TMEM130: variants seen among roughly 807,000 people sequenced by gnomAD.
TMEM130 encodes transmembrane protein 130.
TMEM130 carries 37 observed loss-of-function variants against 42.9 expected under a neutral mutation model. The ratio of observed to expected loss-of-function variants is 0.86; its 90% CI spans 0.66 to 1.13. The LOEUF (loss-of-function observed/expected upper bound fraction) is 1.13. Ranked by LOEUF, TMEM130 falls within the 50% of genes most tolerant of loss-of-function variation. The pLI, the probability that TMEM130 is intolerant of heterozygous loss-of-function variation, is 0.00. For synonymous variants in TMEM130, 259 were observed against 237.7 expected, an observed-to-expected ratio of 1.09 and a Z score of -0.82; for missense variants, 545 against 562.6, an observed-to-expected ratio of 0.97 and a Z score of 0.32.
rs78841113 is a variant in TMEM130, at chr7:98,862,997, C to T, written c.391+98G>A. On this transcript the variant is annotated intron_variant, in intron 2 of 7. Transcript: ENST00000339375. ...TACGGGCCTAATCCCCCAGAACCTACGGGCCTAATCTGCATTGATCTGATT... is the reference window on the plus strand; with the variant it reads ...TACGGGCCTAATCCCCCAGAACCTATGGGCCTAATCTGCATTGATCTGATT... 4,358 of 1,305,518 alleles carry T rather than the reference C, an allele frequency of 3.3e-3. 18 individuals carry two copies. Among genetic ancestry groups the T allele is most frequent in the African/African-American group, 0.018 (822 of 46,328 alleles). 80.9% of individuals were successfully genotyped at this position (1,305,518 alleles called of 1,614,324 possible). A position where few individuals can be genotyped will look rare whatever the true frequency, so the allele number is the denominator to read the frequency against.
Position 98,856,037 on chromosome 7 carries a change from G to C in TMEM130, c.698C>G (p.Ser233Cys). Residue 233 changes from serine to cysteine, a missense_variant, in exon 4 of 8, where the codon TCC becomes TGC. Coordinates refer to ENST00000339375, the MANE Select transcript of TMEM130 (RefSeq NM_152913.3). ...RAVKQKTGDF[S>C]ASLKLQETLR... ...CCCACCCTGCAGCTTCAGCGAGGCG[G>C]AGAAGTCCCCGGTCTTCTGCTTCAC... is the stretch of plus-strand genomic sequence containing the variant. The C allele has an allele frequency of 6.2e-7, 1 of 1,613,348 alleles. No homozygotes were observed. The highest frequency in any genetic ancestry group is 8.5e-7 in the Non-Finnish European group (1 of 1,180,034).
Position 98,863,259 on chromosome 7 carries a change from T to A in TMEM130, c.227A>T (p.His76Leu), listed in dbSNP as rs782206771. The A allele has an allele frequency of 1.2e-6, 2 of 1,613,946 alleles. No homozygotes were observed. Among genetic ancestry groups the A allele is most frequent in the Non-Finnish European group, 1.7e-6 (2 of 1,180,006 alleles). The change falls in exon 2 of 8, where the codon CAC becomes CTC. Residue 76 changes from histidine (H) to leucine (L), a missense_variant. His to Leu is a moderately conservative substitution (Grantham distance 99). Transcript: ENST00000339375. ...CTTGCCAGTAAGCACCAGCGGGGTGTGGATCCAGTGGAAGCGGTAGAGGTG... is the reference window on the plus strand; with the variant it reads ...CTTGCCAGTAAGCACCAGCGGGGTGAGGATCCAGTGGAAGCGGTAGAGGTG... Reference protein sequence around the residue: ...DAHLYRFHWIHTPLVLTGKME... With the variant: ...DAHLYRFHWILTPLVLTGKME...
chr7:98,851,599 A>G lies in TMEM130; in HGVS notation c.828T>C (p.Arg276=), dbSNP rs782756002. Residue 276 remains arginine (R), a synonymous_variant, in exon 6 of 8, where the codon CGT becomes CGC. Transcript: ENST00000339375. ...CCAGCGGGAGGCACTCAGGCTTGAGACGCCAGCACACAGTCAGAGGAGGGC... is the reference window on the plus strand; with the variant it reads ...CCAGCGGGAGGCACTCAGGCTTGAGGCGCCAGCACACAGTCAGAGGAGGGC... ...LGSPPLTVCW[R]LKPECLPLEE... The G allele has an allele frequency of 6.2e-7, 1 of 1,613,158 alleles. No homozygotes were observed. Among genetic ancestry groups the G allele is most frequent in the East Asian group, 2.2e-5 (1 of 44,840 alleles).
At position 98,851,810 on chromosome 7, in the gene TMEM130, G is replaced by A. The variant is rs374472708; in HGVS notation, c.804-187C>T. Among the ~76,000 whole-genome samples, 417 of 152,102 alleles carry A rather than the reference G, an allele frequency of 2.7e-3. 1 individual carries two copies. The highest frequency in any genetic ancestry group is 6.5e-3 in the African/African-American group (270 of 41,470). On this transcript the variant is annotated intron_variant, in intron 5 of 7. Transcript: ENST00000339375. Reference sequence around the variant, plus strand: ...ACTATGGTGCAAAAGAGATGGTCCCGGACCCCCAAGAGAATTCCAAGTGAA... The same window carrying A: ...ACTATGGTGCAAAAGAGATGGTCCCAGACCCCCAAGAGAATTCCAAGTGAA...
intron 3 of TMEM130, among the ~76,000 whole-genome samples, chr7:98,858,995 G>A (rs2116102930): frequency 6.8e-6 from 1 of 147,980 alleles, no homozygotes; most frequent in East Asian, 2.0e-4. Context: ...AGAGAGGGAG[G>A]GAGGGGAGAG....
chr7:98,864,516 C>T (rs1554400384), intron 1 of TMEM130, among the ~76,000 whole-genome samples: 1 of 151,356 alleles, frequency 6.6e-6, no homozygotes, highest in Non-Finnish European at 1.5e-5. Context: ...CGTCCTCAAC[C>T]ACATTGTCCA....
rs559348767 is a variant in TMEM130, at chr7:98,863,487, T to C, written c.86-87A>G. ...ACCTCTGGGCTGGCATCAACTATTCTATTTCCCAGGTGGAGAAACTGAGGC... is the reference window on the plus strand; with the variant it reads ...ACCTCTGGGCTGGCATCAACTATTCCATTTCCCAGGTGGAGAAACTGAGGC... On this transcript the variant is annotated intron_variant, in intron 1 of 7. Coordinates refer to ENST00000339375, the MANE Select transcript of TMEM130 (RefSeq NM_152913.3). 12 of 1,324,192 alleles carry C rather than the reference T, an allele frequency of 9.1e-6. No homozygotes were observed. In the South Asian group the frequency reaches 1.5e-4, roughly 17 times the overall value. The allele number at this position is 1,324,192 out of a possible 1,614,324, so 82.0% of individuals were successfully genotyped here. A position where few individuals can be genotyped will look rare whatever the true frequency, so the allele number is the denominator to read the frequency against.
Position 98,869,481 on chromosome 7 carries a change from G to C in TMEM130, c.85+296C>G, listed in dbSNP as rs769486691. On this transcript the variant is annotated intron_variant, in intron 1 of 7. Coordinates refer to ENST00000339375, the MANE Select transcript of TMEM130 (RefSeq NM_152913.3). This position sits in a 1 kb window ranked among gnomAD's most constrained non-coding sequence, Gnocchi z 4.7. ...AGCGGGTGCATGGTCCCCAGGCATC[G>C]ACGGATGCGCCGGCCACCCCCGCGC... 1.5e-4 allele frequency: 122 copies of C among 817,940 alleles called. No homozygotes were observed. The highest frequency in any genetic ancestry group is 1.6e-4 in the Non-Finnish European group (111 of 676,884). 50.7% of individuals were successfully genotyped at this position (817,940 alleles called of 1,614,324 possible). A position where few individuals can be genotyped will look rare whatever the true frequency, so the allele number is the denominator to read the frequency against.
intron 1 of TMEM130, among the ~76,000 whole-genome samples, chr7:98,864,272 C>G (rs1286043457): frequency 1.3e-5 from 2 of 152,042 alleles, no homozygotes; most frequent in Non-Finnish European, 2.9e-5. Flanking sequence ...GTGGCATGAT[C>G]ATAGCTCACT....
chr7:98,865,563 G>A lies in TMEM130; in HGVS notation c.86-2163C>T, dbSNP rs567155031. ...GCAGAGGTTGCAGTGAGCCAAGATTGCGCCACTGCACTCCAGCCTGGACGA... is the reference window on the plus strand; with the variant it reads ...GCAGAGGTTGCAGTGAGCCAAGATTACGCCACTGCACTCCAGCCTGGACGA... On this transcript the variant is annotated intron_variant, in intron 1 of 7. Coordinates refer to ENST00000339375, the MANE Select transcript of TMEM130 (RefSeq NM_152913.3). Among the ~76,000 whole-genome samples the A allele has an allele frequency of 2.0e-5, 3 of 152,216 alleles. No homozygotes were observed. In the South Asian group the frequency reaches 6.2e-4, roughly 32 times the overall value.
At chr7:98,853,789 G>A (rs1362430330) in intron 5 of TMEM130, among the ~76,000 whole-genome samples, 1 of 152,184 alleles carries the variant, frequency 6.6e-6, no homozygotes, top group Non-Finnish European at 1.5e-5. Flanking sequence ...TTCTTGCCAG[G>A]AGCCTGGGTC....
At chr7:98,863,422 C>T in intron 1 of TMEM130, 22 bp from the exon 2 acceptor site, 1 of 1,547,548 alleles carries the variant, frequency 6.5e-7, no homozygotes, top group Non-Finnish European at 8.7e-7. Flanking sequence ...GAAACAAAGA[C>T]TGTGTTTCAG....
intron 5 of TMEM130, among the ~76,000 whole-genome samples, chr7:98,853,022 A>G (rs189509243): frequency 6.6e-6 from 1 of 152,324 alleles, no homozygotes; most frequent in East Asian, 1.9e-4. Flanking sequence ...AGTTATCCAC[A>G]TTCCACAAGC....
intron 6 of TMEM130, among the ~76,000 whole-genome samples, chr7:98,850,273 A>ATATTTTTTTTTTTT: frequency 2.8e-5 from 1 of 35,450 alleles, no homozygotes; most frequent in African/African-American, 7.6e-5. Flanking sequence ...ATATATATAT[A>ATATTTTTTTTTTTT]TTTTTTTTTT....
intron 5 of TMEM130, 98 bp from the exon 6 acceptor site, chr7:98,851,721 T>A: frequency 8.8e-7 from 1 of 1,140,182 alleles, no homozygotes; most frequent in Non-Finnish European, 1.2e-6. Context: ...AACTTCAGTG[T>A]CCTTTCCAGG....
intron 6 of TMEM130, among the ~76,000 whole-genome samples, chr7:98,849,726 C>T (rs1554397913): frequency 6.6e-6 from 1 of 152,150 alleles, no homozygotes; most frequent in Non-Finnish European, 1.5e-5. Flanking sequence ...CTAACTCCTA[C>T]CCCAGGACCA....
At position 98,869,224 on chromosome 7, in the gene TMEM130, C is replaced by T. The variant is rs1307375317; in HGVS notation, c.85+553G>A. On this transcript the variant is annotated intron_variant, in intron 1 of 7. Transcript: ENST00000339375. This position sits in a 1 kb window ranked among gnomAD's most constrained non-coding sequence, Gnocchi z 4.7. ...ACACACCCCAGGAACCTGTCAGCTC[C>T]GGGTCCATTTTGGAAATCACCACCA... 5.4e-6 allele frequency: 7 copies of T among 1,288,852 alleles called. No individual in the cohort carries two copies. Among genetic ancestry groups the T allele is most frequent in the Middle Eastern group, 2.1e-4 (1 of 4,714 alleles). The allele number at this position is 1,288,852 out of a possible 1,614,324, so 79.8% of individuals were successfully genotyped here.
At chr7:98,851,896 A>T (rs570636198) in intron 5 of TMEM130, among the ~76,000 whole-genome samples, 1 of 152,290 alleles carries the variant, frequency 6.6e-6, no homozygotes, top group African/African-American at 2.4e-5. Flanking sequence ...GTCTGATGGC[A>T]CACATGGTGT....
rs552269872 is a variant in TMEM130 at position 98,869,535 on chromosome 7, G to A, written c.85+242C>T. Reference sequence around the variant, plus strand: ...TTCCAGGGCAGGGCCAGCCTGGGGGGGTGGAAGCAGGAATCCAGGGGGTGC... The same window carrying A: ...TTCCAGGGCAGGGCCAGCCTGGGGGAGTGGAAGCAGGAATCCAGGGGGTGC... On this transcript the variant is annotated intron_variant, in intron 1 of 7. Coordinates refer to ENST00000339375, the MANE Select transcript of TMEM130 (RefSeq NM_152913.3). The surrounding 1 kb of genome is among the most constrained non-coding windows in gnomAD (Gnocchi z 4.7). Among the ~76,000 whole-genome samples the A allele has an allele frequency of 2.0e-5, 3 of 152,346 alleles. No homozygotes were observed. In the South Asian group the frequency reaches 6.2e-4, roughly 32 times the overall value.
Sources: gnomAD v4.1 joint callset for allele counts (sites outside exome capture counted in the v4.1 genomes callset) on GRCh38, gnomAD v4.1.1 for gene constraint, Gnocchi (gnomAD v3.1) non-coding constraint, MANE v1.5 for transcripts, NCBI Gene and HGNC (gene_info 2026-07-23, HGNC 2026-07-21) for gene names.